Variants in DOCK5 observed in about 807,000 individuals in gnomAD.
DOCK5 encodes the protein dedicator of cytokinesis protein 5.
Under a neutral mutation model 251.8 loss-of-function variants are expected in DOCK5, and 142 were observed. The ratio of observed to expected loss-of-function variants is 0.56; its 90% CI spans 0.49 to 0.65. The LOEUF is 0.65. Ranked by LOEUF, DOCK5 falls within the 30% of genes least tolerant of loss-of-function variation. The pLI is 0.00. For missense variants in DOCK5, 2,111 were observed against 2,312.3 expected (o/e 0.91, Z 1.79); for synonymous variants, 842 against 835.5 (o/e 1.01, Z -0.13).
intron 51 of DOCK5, among the ~76,000 whole-genome samples, chr8:25,410,761 G>A (rs1801608469): frequency 6.7e-6 from 1 of 149,078 alleles, no homozygotes; most frequent in Admixed American, 6.8e-5. Flanking sequence ...GCCACTGCCT[G>A]CCCCCAGCCC....
intron 1 of DOCK5, among the ~76,000 whole-genome samples, chr8:25,197,050 T>C (rs1474198319): frequency 6.6e-6 from 1 of 151,408 alleles, no homozygotes; most frequent in East Asian, 1.9e-4. Flanking sequence ...AAAAAAAAAT[T>C]AGTAGAAAGA....
intron 2 of DOCK5, among the ~76,000 whole-genome samples, chr8:25,264,415 A>AT (rs921668942): frequency 6.6e-6 from 1 of 151,194 alleles, no homozygotes; most frequent in Non-Finnish European, 1.5e-5. Context: ...TATATCCTAC[A>AT]TTTTTTTCAT....
chr8:25,318,327 G>T lies in DOCK5; in HGVS notation c.1443+1196G>T, dbSNP rs1305548357. Among the ~76,000 whole-genome samples, 7 of 152,108 alleles carry T rather than the reference G, an allele frequency of 4.6e-5. No individual in the cohort carries two copies. The South Asian group carries it at 1.0e-3, about 23-fold the overall frequency. ...GCTGGTCTCGAACTCCTGACCTCAT[G>T]ATCTGCCTGCCTCAGCCTCCCAAAG... On this transcript the variant is annotated intron_variant, in intron 14 of 51. Transcript: ENST00000276440.
In DOCK5 at chr8:25,340,861, T is replaced by C; in HGVS notation, c.2328-16T>C. The stretch of plus-strand genomic sequence containing the variant: ...ACAATGGAAAGTCCAACTGCTTTTG[T>C]CTTTTTCCTATTAAGATTTTATGGG... On this transcript the variant is annotated splice_polypyrimidine_tract_variant and intron_variant, in intron 22 of 51. Coordinates refer to ENST00000276440, the MANE Select transcript of DOCK5 (RefSeq NM_024940.8). The C allele has an allele frequency of 6.2e-7, 1 of 1,606,910 alleles. No individual in the cohort carries two copies.
intron 28 of DOCK5, 102 bp from the exon 29 acceptor site, chr8:25,362,945 G>C (rs1800712757): frequency 1.2e-6 from 1 of 819,764 alleles, no homozygotes; most frequent in Admixed American, 2.0e-5. Context: ...GTGGGGCTAG[G>C]AACATCCTGT....
At chr8:25,372,168 T>A (rs903201277) in intron 34 of DOCK5, among the ~76,000 whole-genome samples, 1 of 152,170 alleles carries the variant, frequency 6.6e-6, no homozygotes, top group Non-Finnish European at 1.5e-5. Context: ...GGAAAAATGG[T>A]CTCATACAAC....
At position 25,269,982 on chromosome 8, in the gene DOCK5, G is replaced by T. The variant is rs143874986; in HGVS notation, c.168+1097G>T. Among the ~76,000 whole-genome samples, 18 of 152,280 alleles carry T rather than the reference G, an allele frequency of 1.2e-4. No individual in the cohort carries two copies. In the East Asian group the frequency reaches 3.5e-3, roughly 29 times the overall value. The stretch of plus-strand genomic sequence containing the variant: ...GCCCAGGAAAACACCTTTCTACAAG[G>T]TATAGTTCATTAGAAACCAGGACTG... On this transcript the variant is annotated intron_variant, in intron 3 of 51. Coordinates refer to ENST00000276440, the MANE Select transcript of DOCK5 (RefSeq NM_024940.8).
intron 16 of DOCK5, among the ~76,000 whole-genome samples, chr8:25,322,350 A>G (rs1259047806): frequency 1.3e-5 from 2 of 152,262 alleles, no homozygotes; most frequent in African/African-American, 4.8e-5. Flanking sequence ...ATTTATGCAT[A>G]TGACCTCCTA....
At chr8:25,375,488 C>T (rs1800948284) in intron 37 of DOCK5, 2 of 163,292 alleles carry the variant, frequency 1.2e-5, no homozygotes, top group African/African-American at 4.8e-5. Flanking sequence ...AATCCTCCCA[C>T]TTCAGCCTCC....
At chr8:25,334,308 T>C (rs907037048) in intron 21 of DOCK5, 112 bp downstream of exon 21, 1 of 844,492 alleles carries the variant, frequency 1.2e-6, no homozygotes, top group African/African-American at 1.7e-5. Context: ...ATACGCCTGT[T>C]AAGGCAGAAC....
chr8:25,324,972 G>A (rs888560909), intron 17 of DOCK5, among the ~76,000 whole-genome samples: 1 of 151,920 alleles, frequency 6.6e-6, no homozygotes, highest in Non-Finnish European at 1.5e-5. Context: ...CAAAGGACAT[G>A]AACTCATCCT....
chr8:25,311,781 G>A (rs957122831), intron 13 of DOCK5, among the ~76,000 whole-genome samples: 1 of 151,750 alleles, frequency 6.6e-6, no homozygotes, highest in Non-Finnish European at 1.5e-5. Flanking sequence ...AATTAGCTGG[G>A]CGTGGTGGCT....
chr8:25,302,554 C>A, intron 10 of DOCK5, 100 bp downstream of exon 10: 1 of 1,386,074 alleles, frequency 7.2e-7, no homozygotes, highest in East Asian at 2.6e-5. Context: ...GCAAATGATC[C>A]AGCTGCCCTG....
chr8:25,216,113 C>T (rs1802237735), intron 1 of DOCK5, among the ~76,000 whole-genome samples: 1 of 151,012 alleles, frequency 6.6e-6, no homozygotes, highest in African/African-American at 2.4e-5. Flanking sequence ...TATGTGTATA[C>T]AATATGTATG....
chr8:25,281,877 T>TA (rs1262043361), intron 5 of DOCK5, among the ~76,000 whole-genome samples: 7 of 74,932 alleles, frequency 9.3e-5, no homozygotes, highest in African/African-American at 3.0e-4. Flanking sequence ...AGACTCCGTT[T>TA]AAAAAAAAAA....
intron 5 of DOCK5, among the ~76,000 whole-genome samples, chr8:25,288,921 T>G (rs1171161615): frequency 6.6e-6 from 1 of 152,138 alleles, no homozygotes; most frequent in Non-Finnish European, 1.5e-5. Flanking sequence ...AAGCAGTAAA[T>G]GTAGGTAGTT....
At chr8:25,188,991 G>A (rs553011016) in intron 1 of DOCK5, among the ~76,000 whole-genome samples, 2 of 149,888 alleles carry the variant, frequency 1.3e-5, no homozygotes, top group Non-Finnish European at 1.5e-5. Flanking sequence ...CCCAGATTAG[G>A]TTGACTATGG....
chr8:25,351,480 A>C (rs1800467074), intron 26 of DOCK5: 2 of 424,726 alleles, frequency 4.7e-6, no homozygotes, highest in Middle Eastern at 6.7e-4. Flanking sequence ...GAGCAATCTG[A>C]GTTATTAAGA....
chr8:25,296,574 A>ACCAG lies in DOCK5; in HGVS notation c.534_537dup (p.Thr180GlnfsTer10). 1 of 1,612,648 alleles carries ACCAG rather than the reference A, an allele frequency of 6.2e-7. No homozygotes were observed. The highest frequency in any genetic ancestry group is 8.5e-7 in the Non-Finnish European group (1 of 1,179,370). On this transcript the variant is annotated frameshift_variant, in exon 7 of 52. Transcript: ENST00000276440. LOFTEE classifies it high-confidence loss of function. ...TGGGAACATCCTAGACCCTGACGAA[A>ACCAG]CCAGCACCATTGCCCTCTTCAAGGC... is the stretch of plus-strand genomic sequence containing the variant.
Sources: gnomAD v4.1 joint callset for allele counts (sites outside exome capture counted in the v4.1 genomes callset) on GRCh38, gnomAD v4.1.1 for gene constraint, MANE v1.5 for transcripts, NCBI Gene and HGNC (gene_info 2026-07-23, HGNC 2026-07-21) for gene names.